Variants in DLGAP2 observed in about 807,000 individuals in gnomAD.
DLGAP2 encodes disks large-associated protein 2.
In DLGAP2, 26 loss-of-function variants were observed where a neutral mutation model predicts 100.3. That is an observed-to-expected ratio of 0.26 (90% CI 0.19 to 0.36). DLGAP2 has a LOEUF of 0.36. DLGAP2 is among the 10% of genes least tolerant of loss of function. DLGAP2 has a pLI of 1.00. For synonymous variants in DLGAP2, 886 were observed against 630.1 expected (o/e 1.41, Z -6.08); for missense variants, 1,858 against 1,453.2 (o/e 1.28, Z -4.53).
intron 2 of DLGAP2, among the ~76,000 whole-genome samples, chr8:912,995 T>C (rs1185740971): frequency 6.6e-6 from 1 of 152,244 alleles, no homozygotes. Context: ...GCGAGTTGTT[T>C]AGTTGTGCAT....
chr8:1,657,440 C>G (rs1015759826), intron 8 of DLGAP2, among the ~76,000 whole-genome samples: 4 of 152,248 alleles, frequency 2.6e-5, no homozygotes, highest in African/African-American at 7.2e-5. Context: ...CCCACACCAT[C>G]CAACTGAATG....
intron 2 of DLGAP2, among the ~76,000 whole-genome samples, chr8:1,034,574 C>T (rs984694129): frequency 1.1e-5 from 1 of 89,596 alleles, no homozygotes; most frequent in Non-Finnish European, 2.2e-5. Context: ...ACGCTCATCC[C>T]GACCCCGCGT....
intron 1 of DLGAP2, among the ~76,000 whole-genome samples, chr8:807,126 G>T (rs1209645821): frequency 6.6e-6 from 1 of 152,238 alleles, no homozygotes; most frequent in Non-Finnish European, 1.5e-5. Flanking sequence ...CTTGCTCTGT[G>T]TGGATTTTTC....
intron 13 of DLGAP2, among the ~76,000 whole-genome samples, chr8:1,694,263 G>A (rs1024662691): frequency 1.3e-5 from 2 of 152,186 alleles, no homozygotes; most frequent in Non-Finnish European, 2.9e-5. Context: ...CCTGGCAGGA[G>A]AGGAGTGTTG....
At chr8:1,640,602 A>G (rs911650147) in intron 8 of DLGAP2, among the ~76,000 whole-genome samples, 2 of 152,058 alleles carry the variant, frequency 1.3e-5, no homozygotes, top group African/African-American at 2.4e-5. Context: ...GCAAAGCTCC[A>G]TGTTGCAAAC....
chr8:1,628,815 C>G (rs1797573658), intron 7 of DLGAP2, among the ~76,000 whole-genome samples: 1 of 152,216 alleles, frequency 6.6e-6, no homozygotes, highest in South Asian at 2.1e-4. Flanking sequence ...GCCGACCTCA[C>G]ATTCTCTCTG....
chr8:1,624,575 G>A (rs188607204), intron 6 of DLGAP2, among the ~76,000 whole-genome samples: 91 of 151,964 alleles, frequency 6.0e-4, no homozygotes, highest in African/African-American at 2.1e-3. Context: ...TTGCCGCTCT[G>A]TTGAACCCAT....
intron 2 of DLGAP2, among the ~76,000 whole-genome samples, chr8:1,218,525 T>G (rs1798256266): frequency 6.6e-6 from 1 of 152,170 alleles, no homozygotes; most frequent in African/African-American, 2.4e-5. Context: ...CATGTTGTTT[T>G]GGTTACTGTA....
intron 2 of DLGAP2, among the ~76,000 whole-genome samples, chr8:1,096,982 C>G (rs1379378542): frequency 7.2e-6 from 1 of 139,564 alleles, no homozygotes; most frequent in East Asian, 2.2e-4. Flanking sequence ...ACCCCTCCAG[C>G]GTGAGACCCA....
chr8:1,091,665 A>G (rs1225292275), intron 2 of DLGAP2, among the ~76,000 whole-genome samples: 1 of 152,104 alleles, frequency 6.6e-6, no homozygotes, highest in East Asian at 1.9e-4. Flanking sequence ...GCCGGATGCT[A>G]TGGAGAGATC....
intron 8 of DLGAP2, among the ~76,000 whole-genome samples, chr8:1,656,295 G>A (rs1798283225): frequency 6.6e-6 from 1 of 151,698 alleles, no homozygotes; most frequent in African/African-American, 2.4e-5. Flanking sequence ...GGGTGACAGG[G>A]CAAGACTCTG....
chr8:1,345,903 G>A (rs913855161), intron 3 of DLGAP2, among the ~76,000 whole-genome samples: 1 of 152,168 alleles, frequency 6.6e-6, no homozygotes, highest in Non-Finnish European at 1.5e-5. Context: ...GCAAACTCGG[G>A]GACGTGAAGT....
At chr8:950,782 CG>C in intron 2 of DLGAP2, among the ~76,000 whole-genome samples, 1 of 151,772 alleles carries the variant, frequency 6.6e-6, no homozygotes, top group South Asian at 2.1e-4. Context: ...CCACCGTGCC[CG>C]GCTAATTTTT....
intron 2 of DLGAP2, among the ~76,000 whole-genome samples, chr8:1,113,759 G>A (rs11787193): frequency 0.28 from 42,609 of 151,922 alleles, 6,769 homozygotes; most frequent in Non-Finnish European, 0.38. Flanking sequence ...GAGAGTCGGC[G>A]TCCTTGTCTT....
intron 3 of DLGAP2, among the ~76,000 whole-genome samples, chr8:1,391,953 C>T (rs1418987715): frequency 6.6e-6 from 1 of 152,192 alleles, no homozygotes; most frequent in African/African-American, 2.4e-5. Context: ...ACAAAATAAC[C>T]CATTGTTGTG....
chr8:1,648,807 A>G (rs547378487), intron 8 of DLGAP2, among the ~76,000 whole-genome samples: 84 of 152,262 alleles, frequency 5.5e-4, no homozygotes, highest in African/African-American at 1.9e-3. Flanking sequence ...AGTCATGGTG[A>G]TCTTTGCCAA....
In DLGAP2 at chr8:1,287,767, G is replaced by C. The variant is rs1374597420; in HGVS notation, c.106+28884G>C. 4.1e-5 allele frequency among the ~76,000 whole-genome samples: 2 copies of C among 48,978 alleles called. 1 individual carries two copies. Among genetic ancestry groups the C allele is most frequent in the Non-Finnish European group, 7.8e-5 (2 of 25,526 alleles). 32.1% of individuals were successfully genotyped at this position (48,978 alleles called of 152,430 possible). A position where few individuals can be genotyped will look rare whatever the true frequency, so the allele number is the denominator to read the frequency against. Reference sequence around the variant, plus strand: ...GGGAACTAGTTTTGGTTCAGCGTGTGTGTGTGTGTGTGTCTGTGTGTATGT... The same window carrying C: ...GGGAACTAGTTTTGGTTCAGCGTGTCTGTGTGTGTGTGTCTGTGTGTATGT... On this transcript the variant is annotated intron_variant, in intron 3 of 14. Coordinates refer to ENST00000637795, the MANE Select transcript of DLGAP2 (RefSeq NM_001346810.2).
chr8:825,579 A>C (rs1036687729), intron 1 of DLGAP2, among the ~76,000 whole-genome samples: 1 of 152,084 alleles, frequency 6.6e-6, no homozygotes, highest in Non-Finnish European at 1.5e-5. Flanking sequence ...CATCCCTCTC[A>C]TTCCAGATGT....
intron 2 of DLGAP2, among the ~76,000 whole-genome samples, chr8:981,925 C>T: frequency 6.6e-6 from 1 of 152,242 alleles, no homozygotes; most frequent in Non-Finnish European, 1.5e-5. Flanking sequence ...ATCTCCGTGC[C>T]TGCGGGTCTT....
Sources: gnomAD v4.1 joint callset for allele counts (sites outside exome capture counted in the v4.1 genomes callset) on GRCh38, gnomAD v4.1.1 for gene constraint, MANE v1.5 for transcripts, NCBI Gene and HGNC (gene_info 2026-07-23, HGNC 2026-07-21) for gene names.